ADGRL3: variants seen among roughly 807,000 people sequenced by gnomAD.
ADGRL3 encodes the protein adhesion G protein-coupled receptor L3.
ADGRL3 carries 62 observed loss-of-function variants against 153.5 expected under a neutral mutation model. The ratio of observed to expected loss-of-function variants is 0.40; its 90% CI spans 0.33 to 0.50. The LOEUF is 0.50. ADGRL3 is among the 20% of genes least tolerant of loss of function. ADGRL3 has a pLI of 0.47. For missense variants in ADGRL3, 1,641 were observed against 1,859.4 expected (o/e 0.88, Z 2.16); for synonymous variants, 710 against 672.5 (o/e 1.06, Z -0.86).
At chr4:61,503,091 T>G (rs929941114) in intron 3 of ADGRL3, among the ~76,000 whole-genome samples, 5 of 152,198 alleles carry the variant, frequency 3.3e-5, no homozygotes, top group African/African-American at 2.4e-5. Flanking sequence ...AGCTAACTGC[T>G]CAGTCGCTAA....
intron 4 of ADGRL3, among the ~76,000 whole-genome samples, chr4:61,559,749 C>A (rs978304953): frequency 1.3e-5 from 2 of 151,916 alleles, no homozygotes; most frequent in South Asian, 2.1e-4. Flanking sequence ...TGCTTATGTC[C>A]ATACTAGTAA....
intron 8 of ADGRL3, among the ~76,000 whole-genome samples, chr4:61,809,308 T>A (rs142595098): frequency 6.6e-6 from 1 of 152,182 alleles, no homozygotes; most frequent in Non-Finnish European, 1.5e-5. Flanking sequence ...TTTATTGATA[T>A]CTTCTTTTAT....
intron 19 of ADGRL3, among the ~76,000 whole-genome samples, chr4:61,992,236 T>G (rs1043475328): frequency 2.6e-5 from 4 of 152,132 alleles, no homozygotes; most frequent in African/African-American, 9.7e-5. Flanking sequence ...CTTCAGTGTG[T>G]TTAGTGTGAT....
At chr4:61,203,406 CTGTTG>C (rs1316112760) in intron 1 of ADGRL3, among the ~76,000 whole-genome samples, 3 of 152,140 alleles carry the variant, frequency 2.0e-5, no homozygotes, top group African/African-American at 7.2e-5. Flanking sequence ...CTGCTGTCGT[CTGTTG>C]TGTTTACTTT....
At chr4:61,604,947 G>A (rs1401379824) in intron 5 of ADGRL3, among the ~76,000 whole-genome samples, 4 of 151,544 alleles carry the variant, frequency 2.6e-5, no homozygotes, top group Admixed American at 2.0e-4. Context: ...AAACTTAGCC[G>A]GGTGTGGTGG....
intron 1 of ADGRL3, among the ~76,000 whole-genome samples, chr4:61,238,173 A>G (rs1753549168): frequency 6.6e-6 from 1 of 152,220 alleles, no homozygotes; most frequent in African/African-American, 2.4e-5. Context: ...GTACAAGAGC[A>G]CAAACTAAGT....
rs567220302 is a variant in ADGRL3 at position 61,792,739 on chromosome 4, C to A, written c.1400-21070C>A. On this transcript the variant is annotated intron_variant, in intron 8 of 26. Coordinates refer to ENST00000683033, the MANE Select transcript of ADGRL3 (RefSeq NM_001387552.1). ...TCCTGACCTCGGGATCTGCCCGCCT[C>A]AGCCTCCCAAGGTGCTGGGATTACA... 8.3e-4 allele frequency among the ~76,000 whole-genome samples: 126 copies of A among 152,054 alleles called. 1 individual carries two copies. The highest frequency in any genetic ancestry group is 2.1e-3 in the South Asian group (10 of 4,830).
At position 61,298,650 on chromosome 4, in the gene ADGRL3, C is replaced by T. The variant is rs193270282; in HGVS notation, c.-239-84474C>T. ...AGCCAAATAATGACGATCAGGACAA[C>T]CATTTCTACATTAAAAATAATAATA... is the stretch of plus-strand genomic sequence containing the variant. On this transcript the variant is annotated intron_variant, in intron 1 of 26. Transcript: ENST00000683033. Among the ~76,000 whole-genome samples the T allele has an allele frequency of 5.7e-3, 870 of 152,266 alleles. 12 individuals are homozygous for T. The highest frequency in any genetic ancestry group is 0.02 in the African/African-American group (833 of 41,546).
At chr4:61,291,180 A>ACG (rs2094166518) in intron 1 of ADGRL3, among the ~76,000 whole-genome samples, 1 of 29,442 alleles carries the variant, frequency 3.4e-5, no homozygotes, top group Admixed American at 5.1e-4. Flanking sequence ...ATCAATACAC[A>ACG]CACACACACA....
In ADGRL3 at chr4:61,497,764, C is replaced by T. The variant is rs796543827; in HGVS notation, c.55+416C>T. On this transcript the variant is annotated intron_variant, in intron 3 of 26. Coordinates refer to ENST00000683033, the MANE Select transcript of ADGRL3 (RefSeq NM_001387552.1). ...TGGTCTCGATTTCCTGACCTCGTGA[C>T]CCGCCCTCCTTGGCCTCCCAAAGTG... 1.4e-4 allele frequency among the ~76,000 whole-genome samples: 21 copies of T among 151,244 alleles called. 1 individual carries two copies. The highest frequency in any genetic ancestry group is 4.8e-4 in the African/African-American group (20 of 41,242).
At chr4:61,936,778 G>C (rs981514945) in intron 15 of ADGRL3, among the ~76,000 whole-genome samples, 2 of 33,048 alleles carry the variant, frequency 6.1e-5, no homozygotes, top group African/African-American at 2.2e-4. Context: ...ATGTACATAT[G>C]CATACACACA....
chr4:61,778,833 G>A (rs557695000), intron 8 of ADGRL3, among the ~76,000 whole-genome samples: 1 of 152,296 alleles, frequency 6.6e-6, no homozygotes, highest in Admixed American at 6.5e-5. Context: ...CAAGGCAGGT[G>A]GATCATTTGA....
At chr4:61,251,385 A>G (rs923217402) in intron 1 of ADGRL3, among the ~76,000 whole-genome samples, 4 of 152,184 alleles carry the variant, frequency 2.6e-5, no homozygotes, top group Non-Finnish European at 4.4e-5. Flanking sequence ...CTCGGAGAGC[A>G]GGTGTATCAG....
intron 1 of ADGRL3, among the ~76,000 whole-genome samples, chr4:61,250,289 A>C (rs984971206): frequency 3.9e-5 from 6 of 152,208 alleles, no homozygotes; most frequent in Non-Finnish European, 5.9e-5. Context: ...AATGGCAGTG[A>C]GGAACCAAGG....
intron 5 of ADGRL3, among the ~76,000 whole-genome samples, chr4:61,611,916 C>G (rs1267908130): frequency 6.6e-6 from 1 of 151,870 alleles, no homozygotes; most frequent in Non-Finnish European, 1.5e-5. Flanking sequence ...AAGATCGTGT[C>G]TAAAAAATAT....
chr4:61,947,047 G>T lies in ADGRL3; in HGVS notation c.2553G>T (p.Thr851=), dbSNP rs112822655. Residue 851 remains threonine, a synonymous_variant, in exon 16 of 27, where the codon ACG becomes ACT. Coordinates refer to ENST00000683033, the MANE Select transcript of ADGRL3 (RefSeq NM_001387552.1). The part of the protein sequence containing the change: ...HSVIVNSPVI[T]AAINKEFSNK... ...TTATTGTCAATTCCCCTGTTATTACGGCAGCAATAAACAAAGAGTTCAGTA... is the reference window on the plus strand; with the variant it reads ...TTATTGTCAATTCCCCTGTTATTACTGCAGCAATAAACAAAGAGTTCAGTA... 7 of 1,613,522 alleles carry T rather than the reference G, an allele frequency of 4.3e-6. No homozygotes were observed. Among genetic ancestry groups the T allele is most frequent in the African/African-American group, 2.7e-5 (2 of 74,860 alleles).
At chr4:61,962,866 A>G (rs1231501059) in intron 17 of ADGRL3, among the ~76,000 whole-genome samples, 1 of 152,206 alleles carries the variant, frequency 6.6e-6, no homozygotes, top group East Asian at 1.9e-4. Context: ...TGTTCCCCAA[A>G]TAGTTGAGTA....
chr4:61,346,155 A>G (rs1462745594), intron 1 of ADGRL3, among the ~76,000 whole-genome samples: 1 of 152,026 alleles, frequency 6.6e-6, no homozygotes, highest in East Asian at 1.9e-4. Flanking sequence ...AGTTCCACCT[A>G]CTAGGGAGGC....
chr4:61,908,463 G>A (rs1474227332), intron 11 of ADGRL3, among the ~76,000 whole-genome samples: 1 of 152,016 alleles, frequency 6.6e-6, no homozygotes, highest in Admixed American at 6.6e-5. Flanking sequence ...TGAGCATGGT[G>A]GCGGGCGCCT....
Sources: gnomAD v4.1 joint callset for allele counts (sites outside exome capture counted in the v4.1 genomes callset) on GRCh38, gnomAD v4.1.1 for gene constraint, MANE v1.5 for transcripts, NCBI Gene and HGNC (gene_info 2026-07-23, HGNC 2026-07-21) for gene names.